Variants in DMGDH observed in about 807,000 individuals in gnomAD.
DMGDH encodes dimethylglycine dehydrogenase, mitochondrial.
Under a neutral mutation model 95.2 loss-of-function variants are expected in DMGDH, and 76 were observed. That is an observed-to-expected ratio of 0.80 (90% CI 0.66 to 0.97). The LOEUF (loss-of-function observed/expected upper bound fraction) is 0.97, where lower values mean the gene tolerates loss of function less well. DMGDH is among the 50% of genes least tolerant of loss of function. DMGDH has a pLI of 0.00. For synonymous variants in DMGDH, 345 were observed against 377.6 expected (o/e 0.91, Z 1.00); for missense variants, 987 against 1,055.0 (o/e 0.94, Z 0.89).
intron 9 of DMGDH, among the ~76,000 whole-genome samples, chr5:79,031,387 T>G (rs1013233240): frequency 6.6e-6 from 1 of 152,178 alleles, no homozygotes; most frequent in Non-Finnish European, 1.5e-5. Context: ...AATCAGAGTG[T>G]CTGGGTTGGG....
At chr5:79,064,055 A>G (rs774740445) in intron 1 of DMGDH, among the ~76,000 whole-genome samples, 53 of 152,084 alleles carry the variant, frequency 3.5e-4, no homozygotes, top group Admixed American at 1.8e-3. Flanking sequence ...CTTTTTTTCA[A>G]AGAATCTAGA....
chr5:79,067,210 A>T (rs1291788870), intron 1 of DMGDH, among the ~76,000 whole-genome samples: 1 of 152,160 alleles, frequency 6.6e-6, no homozygotes, highest in Non-Finnish European at 1.5e-5. Flanking sequence ...GTGCCACAAC[A>T]TGTTTCAGCA....
intron 15 of DMGDH, 98 bp downstream of exon 15, chr5:79,005,175 T>A (rs1335520064): frequency 6.5e-7 from 1 of 1,539,156 alleles, no homozygotes. Context: ...CTCCAACAAA[T>A]AATTAATAGC....
intron 15 of DMGDH, 66 bp from the exon 16 acceptor site, chr5:78,998,363 GA>G (rs1303705720): frequency 7.5e-6 from 11 of 1,461,164 alleles, no homozygotes; most frequent in Non-Finnish European, 7.5e-6. Context: ...ATCTCTGGGT[GA>G]AAAAAAACTA....
chr5:79,041,455 T>C (rs761253005), intron 7 of DMGDH, among the ~76,000 whole-genome samples: 1 of 152,058 alleles, frequency 6.6e-6, no homozygotes, highest in African/African-American at 2.4e-5. Flanking sequence ...AAATGAAACA[T>C]CAAAGAGGCA....
rs2112659278 is a variant in DMGDH, at chr5:79,051,406, C to T, written c.626G>A (p.Cys209Tyr). 1.9e-6 allele frequency: 3 copies of T among 1,614,190 alleles called. No individual in the cohort carries two copies. Among genetic ancestry groups the T allele is most frequent in the Non-Finnish European group, 1.7e-6 (2 of 1,180,018 alleles). Reference sequence around the variant, plus strand: ...TGCAGGATATTTTAAAAGGGCACCACATTTCCTAGCCCCAGCAGCCAGTGC... The same window carrying T: ...TGCAGGATATTTTAAAAGGGCACCATATTTCCTAGCCCCAGCAGCCAGTGC... ...TMALAAGARKCGALLKYPAPV... is the reference protein window; with the variant it reads ...TMALAAGARKYGALLKYPAPV... Residue 209 changes from cysteine (C) to tyrosine (Y), a missense_variant, in exon 5 of 16, where the codon TGT (cysteine) becomes TAT (tyrosine). Coordinates refer to ENST00000255189, the MANE Select transcript of DMGDH (RefSeq NM_013391.3).
rs1354819601 is a variant in DMGDH, at chr5:79,054,312, C to G, written c.412G>C (p.Ala138Pro). 1 of 1,613,952 alleles carries G rather than the reference C, an allele frequency of 6.2e-7. No homozygotes were observed. Reference sequence around the variant, plus strand: ...TCATCTACCCTTACAGGGGTGGTAGCAAGTCTGATACTACCTGGCTGATGG... The same window carrying G: ...TCATCTACCCTTACAGGGGTGGTAGGAAGTCTGATACTACCTGGCTGATGG... ...GFHQPGSIRL[A>P]TTPVRVDEFK... The change falls in exon 4 of 16, where the codon GCT becomes CCT. Residue 138 changes from alanine to proline, a missense_variant. By Grantham distance (27) the Ala-to-Pro change is conservative. Transcript: ENST00000255189.
intron 15 of DMGDH, among the ~76,000 whole-genome samples, chr5:78,998,506 T>C (rs891095782): frequency 6.6e-6 from 1 of 152,234 alleles, no homozygotes; most frequent in African/African-American, 2.4e-5. Flanking sequence ...AAAGTAATTA[T>C]CAAGGTACAC....
chr5:79,021,727 AG>A (rs1309886064), intron 14 of DMGDH: 1 of 1,287,954 alleles, frequency 7.8e-7, no homozygotes, highest in South Asian at 1.2e-5. Flanking sequence ...ATGTGGGGGA[AG>A]TGTCTATTAA....
At chr5:79,061,815 G>A (rs1412524719) in intron 2 of DMGDH, among the ~76,000 whole-genome samples, 1 of 151,932 alleles carries the variant, frequency 6.6e-6, no homozygotes. Flanking sequence ...CTAGCTAACT[G>A]GGAGGATTGC....
At chr5:78,999,681 A>G (rs1753420619) in intron 15 of DMGDH, among the ~76,000 whole-genome samples, 1 of 152,224 alleles carries the variant, frequency 6.6e-6, no homozygotes, top group Non-Finnish European at 1.5e-5. Flanking sequence ...TTGACCGTGA[A>G]AAAAGAAAAC....
intron 5 of DMGDH, among the ~76,000 whole-genome samples, chr5:79,048,707 T>G (rs1754750286): frequency 1.3e-5 from 2 of 152,082 alleles, no homozygotes; most frequent in South Asian, 4.2e-4. Context: ...CTTTGGGGAA[T>G]CTTCTATCTT....
At chr5:79,032,541 G>T in intron 9 of DMGDH, 146 bp downstream of exon 9, 1 of 1,168,802 alleles carries the variant, frequency 8.6e-7, no homozygotes. Context: ...TGCCACCACT[G>T]CCAGAGAGTA....
intron 15 of DMGDH, 28 bp downstream of exon 15, chr5:79,005,245 C>T (rs1753524963): frequency 6.2e-7 from 1 of 1,612,692 alleles, no homozygotes; most frequent in African/African-American, 1.3e-5. Flanking sequence ...ATGCCACAGC[C>T]CCTGGCAGTG....
intron 14 of DMGDH, among the ~76,000 whole-genome samples, chr5:79,013,187 T>C (rs561049093): frequency 3.3e-5 from 5 of 152,232 alleles, no homozygotes; most frequent in Non-Finnish European, 7.3e-5. Flanking sequence ...TTGAATGCTT[T>C]GCTGCTTAGA....
chr5:79,028,553 T>C lies in DMGDH; in HGVS notation c.1912A>G (p.Arg638Gly), dbSNP rs766259111. Residue 638 changes from arginine (R) to glycine (G), a missense_variant, in exon 12 of 16, where the codon AGA becomes GGA. Physicochemically the swap from Arg to Gly is moderately radical, Grantham distance 125. Transcript: ENST00000255189. ...GAGGTCAGTTTCTGAAGGACCTTTC[T>C]TGCCTGTGGCCCAGCAACTCCAAGA... ...GVLGVAGPQA[R>G]KVLQKLTSED... The C allele has an allele frequency of 1.2e-6, 2 of 1,614,064 alleles. No homozygotes were observed. Among genetic ancestry groups the C allele is most frequent in the African/African-American group, 2.7e-5 (2 of 74,924 alleles).
chr5:79,026,682 T>C (rs1754012784), intron 12 of DMGDH, 101 bp from the exon 13 acceptor site: 9 of 1,520,798 alleles, frequency 5.9e-6, no homozygotes, highest in South Asian at 4.7e-5. Flanking sequence ...ATTCCACTTA[T>C]GCAACACAGA....
rs77116243 is a variant in DMGDH at position 79,042,379 on chromosome 5, T to C, written c.1097A>G (p.Asn366Ser). The C allele has an allele frequency of 0.011, 17,452 of 1,614,192 alleles. 125 individuals are homozygous for C. Among genetic ancestry groups the C allele is most frequent in the Middle Eastern group, 0.046 (280 of 6,062 alleles). Residue 366 changes from asparagine (N) to serine (S), a missense_variant, in exon 7 of 16, where the codon AAT (asparagine) becomes AGT (serine). Physicochemically the swap from Asn to Ser is conservative, Grantham distance 46 (BLOSUM62 1). Transcript: ENST00000255189. ...ATACGTGATAGGACCATTGACAACA[T>C]TGATGATGTCAGCCTTTTTCAAGAC... ...VPVLKKADII[N>S]VVNGPITYSP...
At chr5:79,069,132 C>T (rs1755468006) in intron 1 of DMGDH, among the ~76,000 whole-genome samples, 1 of 151,526 alleles carries the variant, frequency 6.6e-6, no homozygotes, top group South Asian at 2.1e-4. Flanking sequence ...GAAAACTATG[C>T]AGCCATTAAA....
Sources: allele counts gnomAD v4.1 joint callset (sites outside exome capture counted in the v4.1 genomes callset), GRCh38; gene constraint gnomAD v4.1.1; transcripts MANE v1.5; gene names NCBI Gene and HGNC (gene_info 2026-07-23, HGNC 2026-07-21).